Variants in SLC16A12 observed in about 807,000 individuals in gnomAD.
SLC16A12 encodes the protein solute carrier family 16 member 12.
A neutral mutation model predicts 42.4 loss-of-function variants in SLC16A12; 17 were observed. The observed-to-expected ratio is 0.40, with a 90% CI of 0.27 to 0.60. SLC16A12 has a LOEUF of 0.60. Ranked by LOEUF, SLC16A12 falls within the 20% of genes least tolerant of loss-of-function variation. The pLI, the probability that SLC16A12 is intolerant of heterozygous loss-of-function variation, is 0.42. For missense variants in SLC16A12, 544 were observed against 623.0 expected, an observed-to-expected ratio of 0.87 and a Z score of 1.35; for synonymous variants, 224 against 229.4, an observed-to-expected ratio of 0.98 and a Z score of 0.21.
chr10:89,506,292 G>C (rs1457366718), intron 2 of SLC16A12, among the ~76,000 whole-genome samples: 1 of 152,204 alleles, frequency 6.6e-6, no homozygotes, highest in Non-Finnish European at 1.5e-5. Flanking sequence ...ATACCTCCCA[G>C]TAGGGGCTGA....
At chr10:89,510,750 G>T (rs561954763) in intron 2 of SLC16A12, among the ~76,000 whole-genome samples, 37 of 152,220 alleles carry the variant, frequency 2.4e-4, no homozygotes, top group Non-Finnish European at 4.4e-4. Flanking sequence ...TTAAACTAAA[G>T]AGCTTCTGCA....
At chr10:89,504,877 GC>G (rs1008505760) in intron 2 of SLC16A12, among the ~76,000 whole-genome samples, 1 of 152,146 alleles carries the variant, frequency 6.6e-6, no homozygotes, top group African/African-American at 2.4e-5. Flanking sequence ...AGAGGAACAT[GC>G]AGCCCCGAGC....
chr10:89,462,496 C>CA lies in SLC16A12; in HGVS notation c.82_83insT (p.Arg28MetfsTer9). 6.2e-7 allele frequency: 1 copy of CA among 1,613,898 alleles called. No individual in the cohort carries two copies. Among genetic ancestry groups the CA allele is most frequent in the Non-Finnish European group, 8.5e-7 (1 of 1,179,928 alleles). ...TCTATTTACTTTTGCCATGGTTTTT[C>CA]TTTTTTCTTCTTTTCCAGGTTGCTC... On this transcript the variant is annotated frameshift_variant, in exon 3 of 8. Transcript: ENST00000371790. LOFTEE classifies it high-confidence loss of function.
At chr10:89,474,199 C>A (rs1429027057) in intron 2 of SLC16A12, among the ~76,000 whole-genome samples, 1 of 152,118 alleles carries the variant, frequency 6.6e-6, no homozygotes, top group Non-Finnish European at 1.5e-5. Context: ...CCTTTCCTGG[C>A]ACTTATCAAA....
At chr10:89,477,564 CA>C (rs34204051) in intron 2 of SLC16A12, among the ~76,000 whole-genome samples, 8,535 of 49,398 alleles carry the variant, frequency 0.17, 96 homozygotes, top group South Asian at 0.25. Flanking sequence ...AACTCTGTCT[CA>C]AAAAAAAAAA....
At chr10:89,553,974 A>G (rs1405237501) in intron 2 of SLC16A12, among the ~76,000 whole-genome samples, 3 of 150,598 alleles carry the variant, frequency 2.0e-5, no homozygotes, top group African/African-American at 7.4e-5. Context: ...CAGCCTGGGC[A>G]ACAGAGCGAG....
chr10:89,454,303 A>C (rs1457402769), intron 3 of SLC16A12, among the ~76,000 whole-genome samples: 1 of 151,780 alleles, frequency 6.6e-6, no homozygotes, highest in Non-Finnish European at 1.5e-5. Context: ...TCACTATCTC[A>C]TATATATCCC....
intron 2 of SLC16A12, among the ~76,000 whole-genome samples, chr10:89,497,051 A>C (rs551233276): frequency 1.5e-4 from 23 of 152,330 alleles, no homozygotes; most frequent in South Asian, 2.1e-4. Flanking sequence ...TGTGAACCTG[A>C]ATGTAAAGTA....
chr10:89,451,774 G>C (rs12219764), intron 3 of SLC16A12, among the ~76,000 whole-genome samples: 3 of 152,050 alleles, frequency 2.0e-5, no homozygotes. Context: ...GCGGAGATAC[G>C]TGCAATATGT....
At chr10:89,479,567 T>C (rs1017098535) in intron 2 of SLC16A12, among the ~76,000 whole-genome samples, 2 of 152,244 alleles carry the variant, frequency 1.3e-5, no homozygotes, top group Admixed American at 6.5e-5. Flanking sequence ...GTTTAATTCC[T>C]GTTTCTACCT....
intron 2 of SLC16A12, among the ~76,000 whole-genome samples, chr10:89,488,132 T>C (rs1457902423): frequency 6.6e-6 from 1 of 151,522 alleles, no homozygotes; most frequent in African/African-American, 2.4e-5. Flanking sequence ...TGAAATCATG[T>C]TTCTGCAGCA....
chr10:89,487,706 G>A (rs1260305149), intron 2 of SLC16A12, among the ~76,000 whole-genome samples: 1 of 149,790 alleles, frequency 6.7e-6, no homozygotes, highest in African/African-American at 2.5e-5. Context: ...CAGCTGCTCA[G>A]GAGGCTTAGG....
intron 3 of SLC16A12, among the ~76,000 whole-genome samples, chr10:89,447,977 A>G (rs1842030630): frequency 6.6e-6 from 1 of 152,202 alleles, no homozygotes; most frequent in Non-Finnish European, 1.5e-5. Flanking sequence ...AGAGAATACT[A>G]TAAACACCTC....
intron 2 of SLC16A12, among the ~76,000 whole-genome samples, chr10:89,514,162 A>C (rs1308571739): frequency 6.6e-6 from 1 of 152,240 alleles, no homozygotes; most frequent in African/African-American, 2.4e-5. Context: ...TGACGCCTTC[A>C]CTGGTCTACA....
intron 2 of SLC16A12, among the ~76,000 whole-genome samples, chr10:89,468,677 C>T (rs898804741): frequency 6.6e-6 from 1 of 152,192 alleles, no homozygotes; most frequent in Non-Finnish European, 1.5e-5. Context: ...TAGATTTATA[C>T]ATATTCAGAA....
chr10:89,487,887 A>G (rs916182301), intron 2 of SLC16A12, among the ~76,000 whole-genome samples: 4 of 147,484 alleles, frequency 2.7e-5, no homozygotes, highest in Non-Finnish European at 6.0e-5. Context: ...TTACAGCACT[A>G]TTCACAATAG....
intron 3 of SLC16A12, among the ~76,000 whole-genome samples, chr10:89,446,839 C>G (rs933138686): frequency 3.3e-5 from 5 of 152,056 alleles, no homozygotes; most frequent in Non-Finnish European, 7.4e-5. Context: ...CAAGAGCCAT[C>G]AGTATGCTGT....
intron 2 of SLC16A12, among the ~76,000 whole-genome samples, chr10:89,478,207 G>A (rs757600667): frequency 2.7e-4 from 41 of 152,148 alleles, no homozygotes; most frequent in Non-Finnish European, 5.0e-4. Context: ...AGTTGACGTA[G>A]AAAGTCCCTG....
At chr10:89,456,971 T>G (rs571499545) in intron 3 of SLC16A12, among the ~76,000 whole-genome samples, 1 of 152,316 alleles carries the variant, frequency 6.6e-6, no homozygotes, top group South Asian at 2.1e-4. Flanking sequence ...GGCATTTGGG[T>G]TGATTCCATG....
Sources: gnomAD v4.1 joint callset for allele counts (sites outside exome capture counted in the v4.1 genomes callset) on GRCh38, gnomAD v4.1.1 for gene constraint, MANE v1.5 for transcripts, NCBI Gene and HGNC (gene_info 2026-07-23, HGNC 2026-07-21) for gene names.